IKZF2: variants seen among roughly 807,000 people sequenced by gnomAD.
The protein encoded by IKZF2 is zinc finger protein Helios.
A neutral mutation model predicts 49.2 loss-of-function variants in IKZF2; 15 were observed. That is an observed-to-expected ratio of 0.30 (90% CI 0.20 to 0.47). The LOEUF (loss-of-function observed/expected upper bound fraction) is 0.47. Ranked by LOEUF, IKZF2 falls within the 20% of genes least tolerant of loss-of-function variation. The pLI is 1.00. For missense variants in IKZF2, 567 were observed against 664.6 expected (o/e 0.85, Z 1.61); for synonymous variants, 227 against 221.4 (o/e 1.03, Z -0.23).
intron 7 of IKZF2, among the ~76,000 whole-genome samples, chr2:213,018,172 G>A (rs558613422): frequency 6.6e-6 from 1 of 152,094 alleles, no homozygotes; most frequent in Non-Finnish European, 1.5e-5. Flanking sequence ...TTTCCTTCAA[G>A]CTAAGCAGAC....
At chr2:213,083,642 T>C (rs1433321476) in intron 4 of IKZF2, among the ~76,000 whole-genome samples, 2 of 148,628 alleles carry the variant, frequency 1.3e-5, no homozygotes, top group African/African-American at 5.0e-5. Flanking sequence ...CCTCAGGTGA[T>C]CCGCCCACCT....
At position 213,098,042 on chromosome 2, in the gene IKZF2, G is replaced by T. The variant is rs1348401022; in HGVS notation, c.140-40943C>A. 3.0e-5 allele frequency: 7 copies of T among 233,174 alleles called. No individual in the cohort carries two copies. The East Asian group carries it at 6.2e-4, about 21-fold the overall frequency. 14.4% of individuals were successfully genotyped at this position (233,174 alleles called of 1,614,324 possible). Reference sequence around the variant, plus strand: ...AATCAATCTCAAAAAAGTCACAGAAGTTAGGTCAGTGATATCATTCTATAT... The same window carrying T: ...AATCAATCTCAAAAAAGTCACAGAATTTAGGTCAGTGATATCATTCTATAT... On this transcript the variant is annotated intron_variant, in intron 4 of 8. Transcript: ENST00000434687.
At chr2:213,075,626 A>C (rs996489721) in intron 4 of IKZF2, among the ~76,000 whole-genome samples, 7 of 152,138 alleles carry the variant, frequency 4.6e-5, no homozygotes, top group African/African-American at 1.7e-4. Flanking sequence ...GTCACACAGA[A>C]GTTTTCTTTT....
chr2:213,009,646 A>T (rs1228413756), intron 8 of IKZF2, among the ~76,000 whole-genome samples: 3 of 152,140 alleles, frequency 2.0e-5, no homozygotes, highest in Non-Finnish European at 2.9e-5. Context: ...ATTAAGCTAG[A>T]CAAACCTGAT....
chr2:213,102,711 T>C (rs1464513812), intron 4 of IKZF2, among the ~76,000 whole-genome samples: 1 of 140,452 alleles, frequency 7.1e-6, no homozygotes, highest in Non-Finnish European at 1.5e-5. Context: ...ATTTATAGAA[T>C]AATATGTTGA....
At chr2:213,065,766 T>C (rs1702104720) in intron 4 of IKZF2, among the ~76,000 whole-genome samples, 3 of 152,036 alleles carry the variant, frequency 2.0e-5, no homozygotes, top group African/African-American at 7.2e-5. Context: ...AACTCAGAAC[T>C]GATGACCAAA....
intron 4 of IKZF2, among the ~76,000 whole-genome samples, chr2:213,066,374 C>T (rs570886003): frequency 6.6e-6 from 1 of 152,144 alleles, no homozygotes; most frequent in East Asian, 1.9e-4. Flanking sequence ...GCAGCTTTAC[C>T]GGGTCTCTGA....
intron 7 of IKZF2, chr2:213,016,877 A>T (rs977368611): frequency 2.0e-5 from 3 of 152,082 alleles, no homozygotes; most frequent in Non-Finnish European, 4.4e-5. Context: ...TGAGCAGGAG[A>T]GGGCAGAGTA....
intron 7 of IKZF2, among the ~76,000 whole-genome samples, chr2:213,018,912 G>A (rs1218038380): frequency 6.6e-6 from 1 of 152,108 alleles, no homozygotes; most frequent in East Asian, 1.9e-4. Context: ...CCAGAGTTAG[G>A]TTAATTCTAC....
chr2:213,102,864 G>A (rs1021132753), intron 4 of IKZF2, among the ~76,000 whole-genome samples: 1 of 152,032 alleles, frequency 6.6e-6, no homozygotes, highest in Non-Finnish European at 1.5e-5. Flanking sequence ...GCATCAAGAG[G>A]AAAGCACATG....
At chr2:213,063,588 AAAAC>A (rs1199812464) in intron 4 of IKZF2, among the ~76,000 whole-genome samples, 3 of 152,048 alleles carry the variant, frequency 2.0e-5, no homozygotes, top group Non-Finnish European at 2.9e-5. Context: ...ATAGAAAAAT[AAAAC>A]AGTTTTTATG....
intron 4 of IKZF2, among the ~76,000 whole-genome samples, chr2:213,076,222 T>A (rs1273802956): frequency 6.6e-6 from 1 of 152,032 alleles, no homozygotes; most frequent in Non-Finnish European, 1.5e-5. Context: ...ATATGCACCA[T>A]CACCTAGTTT....
At chr2:213,077,843 C>T (rs550104063) in intron 4 of IKZF2, among the ~76,000 whole-genome samples, 1 of 152,232 alleles carries the variant, frequency 6.6e-6, no homozygotes, top group East Asian at 1.9e-4. Flanking sequence ...CCTCCTCGGC[C>T]TCCCAAAGTA....
intron 6 of IKZF2, among the ~76,000 whole-genome samples, chr2:213,047,401 T>C (rs574589994): frequency 5.9e-5 from 9 of 152,072 alleles, no homozygotes; most frequent in Non-Finnish European, 1.2e-4. Flanking sequence ...GGATATTATA[T>C]ATGGCCAACA....
chr2:213,063,441 G>A (rs2125429293), intron 4 of IKZF2, among the ~76,000 whole-genome samples: 1 of 151,868 alleles, frequency 6.6e-6, no homozygotes, highest in East Asian at 1.9e-4. Context: ...TGTTTATCCT[G>A]ACTCAGCCAC....
Position 213,004,259 on chromosome 2 carries a change from G to A in IKZF2, c.*3101C>T, listed in dbSNP as rs986855254. 2.0e-5 allele frequency: 3 copies of A among 151,674 alleles called. No homozygotes were observed. The highest frequency in any genetic ancestry group is 2.1e-4 in the South Asian group (1 of 4,824). 9.4% of individuals were successfully genotyped at this position (151,674 alleles called of 1,614,324 possible). ...TCTACTACGTAGCCAAATCTAAGTC[G>A]TAGTTTCTTATTTTCCCAATTTTGT... is the stretch of plus-strand genomic sequence containing the variant. On this transcript the variant is annotated 3_prime_UTR_variant, in exon 9 of 9. Transcript: ENST00000434687.
chr2:213,142,155 C>T (rs2060897505), intron 4 of IKZF2, among the ~76,000 whole-genome samples: 1 of 151,744 alleles, frequency 6.6e-6, no homozygotes, highest in East Asian at 1.9e-4. Context: ...TCTGGAACAC[C>T]AATAATATGC....
At chr2:213,077,733 G>A (rs971638922) in intron 4 of IKZF2, among the ~76,000 whole-genome samples, 14 of 151,376 alleles carry the variant, frequency 9.2e-5, no homozygotes, top group Admixed American at 3.3e-4. Flanking sequence ...GACTACAGGC[G>A]CCCGCCACCA....
chr2:213,057,920 T>C (rs1459553938), intron 4 of IKZF2, among the ~76,000 whole-genome samples: 1 of 152,148 alleles, frequency 6.6e-6, no homozygotes, highest in East Asian at 1.9e-4. Flanking sequence ...CACAGAAAAG[T>C]TGGAATTTTG....
Sources: gnomAD v4.1 joint callset for allele counts (sites outside exome capture counted in the v4.1 genomes callset) on GRCh38, gnomAD v4.1.1 for gene constraint, MANE v1.5 for transcripts, NCBI Gene and HGNC (gene_info 2026-07-23, HGNC 2026-07-21) for gene names.